Variants in GNA12 observed in about 807,000 individuals in gnomAD.
GNA12 encodes G protein subunit alpha 12.
GNA12 carries 9 observed loss-of-function variants against 26.0 expected under a neutral mutation model. The observed-to-expected ratio is 0.35, with a 90% CI of 0.21 to 0.60. The LOEUF is 0.60. Among genes scored for constraint, GNA12 ranks in the 20% least tolerant of loss-of-function variants. The probability of loss-of-function intolerance (pLI) is 0.78; values close to 1 mark genes in which losing one functional copy is unlikely to be tolerated. For synonymous variants in GNA12, 264 were observed against 219.6 expected (o/e 1.20, Z -1.79); for missense variants, 405 against 525.8 (o/e 0.77, Z 2.25).
At chr7:2,762,818 C>T (rs1216062425) in intron 2 of GNA12, 2 of 1,523,420 alleles carry the variant, frequency 1.3e-6, no homozygotes, top group South Asian at 2.5e-5. Flanking sequence ...GGCCTCCCAT[C>T]CGCCACACAC....
At chr7:2,765,875 G>GGC (rs1554258485) in intron 2 of GNA12, among the ~76,000 whole-genome samples, 4 of 147,846 alleles carry the variant, frequency 2.7e-5, no homozygotes, top group Non-Finnish European at 4.5e-5. Flanking sequence ...GTGATCCAGG[G>GGC]CCCCCCTCCC....
intron 1 of GNA12, among the ~76,000 whole-genome samples, chr7:2,841,964 G>A (rs1779000154): frequency 7.3e-6 from 1 of 136,224 alleles, no homozygotes; most frequent in Non-Finnish European, 1.6e-5. Context: ...ATGGGCTGGG[G>A]AAAAAGTGGT....
At chr7:2,782,881 T>G (rs1159659118) in intron 2 of GNA12, among the ~76,000 whole-genome samples, 1 of 152,202 alleles carries the variant, frequency 6.6e-6, no homozygotes, top group Non-Finnish European at 1.5e-5. Flanking sequence ...CTTCCATTAT[T>G]TCTTCTAGTT....
intron 2 of GNA12, among the ~76,000 whole-genome samples, chr7:2,740,785 C>T (rs1790459197): frequency 6.6e-6 from 1 of 152,194 alleles, no homozygotes; most frequent in South Asian, 2.1e-4. Context: ...TGACTCATGC[C>T]TATAATCCCA....
At chr7:2,773,763 CT>C (rs1280284492) in intron 2 of GNA12, among the ~76,000 whole-genome samples, 3 of 152,176 alleles carry the variant, frequency 2.0e-5, no homozygotes, top group Non-Finnish European at 4.4e-5. Flanking sequence ...AAGTCCACCC[CT>C]GGACAGCCCT....
At chr7:2,739,238 C>T (rs183025440) in intron 2 of GNA12, among the ~76,000 whole-genome samples, 1 of 152,338 alleles carries the variant, frequency 6.6e-6, no homozygotes, top group East Asian at 1.9e-4. Context: ...TTACTACCTT[C>T]AAAATGTTGT....
At chr7:2,829,814 G>A (rs1449029702) in intron 1 of GNA12, among the ~76,000 whole-genome samples, 4 of 152,112 alleles carry the variant, frequency 2.6e-5, no homozygotes, top group African/African-American at 7.2e-5. Context: ...AGACGTGCTC[G>A]AGGCCAGTTT....
intron 2 of GNA12, among the ~76,000 whole-genome samples, chr7:2,741,166 G>GT (rs1393528343): frequency 6.6e-6 from 1 of 152,234 alleles, no homozygotes; most frequent in African/African-American, 2.4e-5. Flanking sequence ...TTTACAGTAT[G>GT]TTTTAAGGTA....
chr7:2,807,774 A>C (rs905950281), intron 1 of GNA12, among the ~76,000 whole-genome samples: 12 of 152,220 alleles, frequency 7.9e-5, no homozygotes, highest in Admixed American at 6.5e-5. Context: ...AACAGCACCA[A>C]AAACGCACTT....
In GNA12 at chr7:2,731,468, A is replaced by G; in HGVS notation, c.859T>C (p.Phe287Leu). The change falls in exon 4 of 4, where the codon TTC (phenylalanine) becomes CTC (leucine). Residue 287 changes from phenylalanine to leucine, a missense_variant. Transcript: ENST00000275364. The surrounding 1 kb of genome is among the most constrained non-coding windows in gnomAD (Gnocchi z 6.0). The part of the protein sequence containing the change: ...FETIVNNKLF[F>L]NVSIILFLNK... ...AGGAAGAGAATGATGGAGACGTTGA[A>G]GAAGAGCTTGTTGTTGACGATGGTC... The G allele has an allele frequency of 6.2e-7, 1 of 1,613,926 alleles. No individual in the cohort carries two copies. The highest frequency in any genetic ancestry group is 8.5e-7 in the Non-Finnish European group (1 of 1,179,920).
chr7:2,757,565 C>A (rs1418872866), intron 2 of GNA12, among the ~76,000 whole-genome samples: 1 of 152,148 alleles, frequency 6.6e-6, no homozygotes, highest in South Asian at 2.1e-4. Flanking sequence ...GCCAGGTGCA[C>A]CAGCCTGCGA....
intron 1 of GNA12, among the ~76,000 whole-genome samples, chr7:2,840,640 C>T (rs1315330483): frequency 6.6e-6 from 1 of 152,178 alleles, no homozygotes; most frequent in East Asian, 1.9e-4. Context: ...AGGTGGTTCG[C>T]TTGAGTTCAA....
intron 2 of GNA12, chr7:2,764,790 G>A (rs897679437): frequency 3.9e-5 from 6 of 152,228 alleles, no homozygotes; most frequent in African/African-American, 7.2e-5. Context: ...TTCTCCCAGC[G>A]TGAGCCGGCG....
intron 2 of GNA12, chr7:2,762,779 G>A: frequency 1.3e-6 from 2 of 1,543,846 alleles, no homozygotes; most frequent in Non-Finnish European, 1.7e-6. Context: ...CACCCAGGCT[G>A]TACAAAAGGG....
At chr7:2,800,749 C>G (rs1371481855) in intron 1 of GNA12, among the ~76,000 whole-genome samples, 2 of 152,134 alleles carry the variant, frequency 1.3e-5, no homozygotes, top group Admixed American at 6.6e-5. Flanking sequence ...GTGGGTTCAT[C>G]TGAGCGAGTG....
chr7:2,736,040 C>T (rs1340989639), intron 2 of GNA12, among the ~76,000 whole-genome samples: 8 of 152,192 alleles, frequency 5.3e-5, no homozygotes, highest in Non-Finnish European at 7.3e-5. Flanking sequence ...ACGCAGCCCA[C>T]GGGACGATCG....
intron 1 of GNA12, among the ~76,000 whole-genome samples, chr7:2,796,013 G>C (rs1315736366): frequency 6.6e-6 from 1 of 151,788 alleles, no homozygotes; most frequent in African/African-American, 2.4e-5. Flanking sequence ...TGAGATTACA[G>C]ACCACCACGG....
intron 1 of GNA12, among the ~76,000 whole-genome samples, chr7:2,832,200 C>T (rs1280436486): frequency 2.6e-5 from 4 of 152,228 alleles, no homozygotes; most frequent in African/African-American, 9.6e-5. Flanking sequence ...CCTCCCCTCT[C>T]CTCCAAGTGA....
chr7:2,819,936 C>T (rs1317413637), intron 1 of GNA12, among the ~76,000 whole-genome samples: 1 of 152,148 alleles, frequency 6.6e-6, no homozygotes, highest in Non-Finnish European at 1.5e-5. Context: ...ATGTTTATAG[C>T]AACATCATTC....
Sources: allele counts gnomAD v4.1 joint callset (sites outside exome capture counted in the v4.1 genomes callset), GRCh38; gene constraint gnomAD v4.1.1; non-coding constraint Gnocchi (gnomAD v3.1); transcripts MANE v1.5; gene names NCBI Gene and HGNC (gene_info 2026-07-23, HGNC 2026-07-21).